Variants in CPAMD8 observed in about 807,000 individuals in gnomAD.
CPAMD8 encodes the protein C3 and PZP-like alpha-2-macroglobulin domain-containing protein 8.
In CPAMD8, 146 loss-of-function variants were observed where a neutral mutation model predicts 224.7. The ratio of observed to expected loss-of-function variants is 0.65; its 90% CI spans 0.57 to 0.75. The LOEUF (loss-of-function observed/expected upper bound fraction) is 0.75, where lower values mean the gene tolerates loss of function less well. Ranked by LOEUF, CPAMD8 falls within the 30% of genes least tolerant of loss-of-function variation. The pLI, the probability that CPAMD8 is intolerant of heterozygous loss-of-function variation, is 0.00. For synonymous variants in CPAMD8, 966 were observed against 1,044.6 expected, an observed-to-expected ratio of 0.92 and a Z score of 1.45; for missense variants, 2,301 against 2,537.5, an observed-to-expected ratio of 0.91 and a Z score of 2.00.
intron 20 of CPAMD8, among the ~76,000 whole-genome samples, chr19:16,948,466 G>C (rs1359249453): frequency 2.0e-5 from 3 of 152,098 alleles, no homozygotes; most frequent in African/African-American, 7.2e-5. Flanking sequence ...AAAGAAAGAG[G>C]CTGGGTGCGG....
chr19:16,976,767 C>T (rs181013256), intron 15 of CPAMD8, among the ~76,000 whole-genome samples: 38 of 151,768 alleles, frequency 2.5e-4, no homozygotes, highest in Admixed American at 1.8e-3. Context: ...AGGAGCCAGG[C>T]GCAGTGGCTC....
At chr19:17,000,549 A>C in intron 9 of CPAMD8, 27 bp from the exon 10 acceptor site, 1 of 1,004,800 alleles carries the variant, frequency 1.0e-6, no homozygotes, top group East Asian at 2.4e-5. Context: ...AAGCATGCTC[A>C]ATTTCACAGC....
In CPAMD8 at chr19:17,008,636, C is replaced by A. The variant is rs1296430816; in HGVS notation, c.505-77G>T. 5 of 1,475,326 alleles carry A rather than the reference C, an allele frequency of 3.4e-6. No homozygotes were observed. In the African/African-American group the frequency reaches 7.0e-5, roughly 21 times the overall value. The allele number at this position is 1,475,326 out of a possible 1,614,324, so 91.4% of individuals were successfully genotyped here. ...GCATGTGCCCAATGTAAGGATTTTCCCAGTCCTCTCTCTTGGGCATGTCAA... is the reference window on the plus strand; with the variant it reads ...GCATGTGCCCAATGTAAGGATTTTCACAGTCCTCTCTCTTGGGCATGTCAA... On this transcript the variant is annotated intron_variant, in intron 6 of 41. Coordinates refer to ENST00000443236, the MANE Select transcript of CPAMD8 (RefSeq NM_015692.5).
chr19:16,903,052 T>C (rs1246571523), intron 34 of CPAMD8, among the ~76,000 whole-genome samples, 189 bp from the exon 35 acceptor site: 5 of 152,162 alleles, frequency 3.3e-5, no homozygotes, highest in Admixed American at 2.6e-4. Context: ...GTAGGTACAA[T>C]CATCAGACCA....
At chr19:17,008,239 C>G (rs1019642902) in intron 7 of CPAMD8, among the ~76,000 whole-genome samples, 1 of 152,156 alleles carries the variant, frequency 6.6e-6, no homozygotes, top group African/African-American at 2.4e-5. Context: ...GAGCAGGAGC[C>G]CCGCCTGAGT....
chr19:16,965,334 A>C (rs1232868860), intron 18 of CPAMD8, among the ~76,000 whole-genome samples: 1 of 152,116 alleles, frequency 6.6e-6, no homozygotes, highest in Non-Finnish European at 1.5e-5. Flanking sequence ...TATTGATGGA[A>C]TATATCTCAA....
chr19:17,018,269 T>C (rs2056863658), intron 3 of CPAMD8, among the ~76,000 whole-genome samples: 1 of 152,170 alleles, frequency 6.6e-6, no homozygotes, highest in African/African-American at 2.4e-5. Context: ...TTACATAATA[T>C]CTGAAATCCA....
At chr19:16,909,314 G>A (rs1406251434) in intron 29 of CPAMD8, among the ~76,000 whole-genome samples, 2 of 152,164 alleles carry the variant, frequency 1.3e-5, no homozygotes, top group Non-Finnish European at 2.9e-5. Context: ...TGAGGCCGAG[G>A]CAGGTGGATC....
In CPAMD8 at chr19:16,945,578, C is replaced by T; in HGVS notation, c.2764G>A (p.Asp922Asn). The stretch of plus-strand genomic sequence containing the variant: ...ACCATCACACTGCGCCTGACGTGAT[C>T]CACCCCGATGGGGACCCTCCTGTCG... ...HADRRVPIGV[D>N]HVRRSVMVEA... is the part of the protein sequence containing the mutation. The change falls in exon 22 of 42, where the codon GAT becomes AAT. Residue 922 changes from aspartate to asparagine, a missense_variant. Asp to Asn is a conservative substitution (Grantham distance 23, BLOSUM62 1). Coordinates refer to ENST00000443236, the MANE Select transcript of CPAMD8 (RefSeq NM_015692.5). The T allele has an allele frequency of 6.2e-7, 1 of 1,614,170 alleles. No individual in the cohort carries two copies.
intron 14 of CPAMD8, among the ~76,000 whole-genome samples, chr19:16,980,083 GAGA>G (rs1390488506): frequency 6.6e-6 from 1 of 152,122 alleles, no homozygotes; most frequent in African/African-American, 2.4e-5. Context: ...ACCCTGTATT[GAGA>G]AGAAGAGCTT....
chr19:17,011,572 C>A lies in CPAMD8; in HGVS notation c.433+20G>T. 3 of 1,614,210 alleles carry A rather than the reference C, an allele frequency of 1.9e-6. No individual in the cohort carries two copies. Among genetic ancestry groups the A allele is most frequent in the Non-Finnish European group, 2.5e-6 (3 of 1,180,040 alleles). On this transcript the variant is annotated intron_variant, in intron 4 of 41. Transcript: ENST00000443236. Reference sequence around the variant, plus strand: ...TCCAGACCATGGCCGGCCCTCCCTGCATCCATGCTGGCCACTCACCTCGGT... The same window carrying A: ...TCCAGACCATGGCCGGCCCTCCCTGAATCCATGCTGGCCACTCACCTCGGT...
chr19:16,928,156 T>A lies in CPAMD8; in HGVS notation c.3223A>T (p.Ile1075Phe). ...GAGCCCCAGCCGGTGGAAAAGCCAA[T>A]GAACTGGACCTCTGGTGGCCTCGGG... ...TLPRPPEVQF[I>F]GFSTGWGSMG... The change falls in exon 25 of 42, where the codon ATT becomes TTT. Residue 1075 changes from isoleucine (I) to phenylalanine (F), a missense_variant. Ile to Phe is a conservative substitution (Grantham distance 21). Transcript: ENST00000443236. The A allele has an allele frequency of 1.2e-6, 2 of 1,614,170 alleles. No homozygotes were observed. Among genetic ancestry groups the A allele is most frequent in the Non-Finnish European group, 8.5e-7 (1 of 1,180,036 alleles).
chr19:16,971,762 C>A (rs1041776685), intron 17 of CPAMD8, among the ~76,000 whole-genome samples: 1 of 152,084 alleles, frequency 6.6e-6, no homozygotes, highest in Admixed American at 6.6e-5. Flanking sequence ...TTAGAAAAAT[C>A]ATGGCCAGGC....
At chr19:16,929,281 G>A in intron 23 of CPAMD8, 41 bp from the exon 24 acceptor site, 1 of 1,518,184 alleles carries the variant, frequency 6.6e-7, no homozygotes, top group Non-Finnish European at 9.0e-7. Flanking sequence ...GAGGGCACCT[G>A]GAGGCATCCC....
chr19:16,904,187 C>A, intron 32 of CPAMD8, 39 bp downstream of exon 32: 1 of 1,399,748 alleles, frequency 7.1e-7, no homozygotes, highest in African/African-American at 1.4e-5. Flanking sequence ...CCCCACCCAC[C>A]CAGCCCTGAG....
intron 1 of CPAMD8, among the ~76,000 whole-genome samples, chr19:17,022,997 A>G (rs1278773904): frequency 6.6e-6 from 1 of 152,196 alleles, no homozygotes; most frequent in Non-Finnish European, 1.5e-5. Context: ...CGCAACAGTG[A>G]CAGACCAGGA....
intron 1 of CPAMD8, among the ~76,000 whole-genome samples, chr19:17,023,250 T>G (rs969598875): frequency 2.0e-4 from 31 of 152,050 alleles, no homozygotes; most frequent in African/African-American, 6.5e-4. Flanking sequence ...TTCAGAAGAA[T>G]AGGAACATGC....
chr19:16,942,895 G>T (rs115794115), intron 22 of CPAMD8, among the ~76,000 whole-genome samples: 105 of 152,272 alleles, frequency 6.9e-4, no homozygotes, highest in African/African-American at 2.5e-3. Context: ...TTGTAGTACA[G>T]ATCTGTGCTT....
In CPAMD8 at chr19:16,896,489, G is replaced by A; in HGVS notation, c.5242C>T (p.Leu1748=). The change falls in exon 40 of 42, where the codon CTG becomes TTG. Residue 1748 remains leucine (L), a synonymous_variant. Coordinates refer to ENST00000443236, the MANE Select transcript of CPAMD8 (RefSeq NM_015692.5). ...CAGCAGCTGGGAGGCGCGGGCTCCA[G>A]GGGCGCGGCCTGGCGGCAGGCGGCC... ...REAACRQAAP[L]EPAPPSCCAL... 7.0e-7 allele frequency: 1 copy of A among 1,434,960 alleles called. No homozygotes were observed. Among genetic ancestry groups the A allele is most frequent in the Non-Finnish European group, 9.0e-7 (1 of 1,105,034 alleles). The allele number at this position is 1,434,960 out of a possible 1,614,324, so 88.9% of individuals were successfully genotyped here.
Sources: gnomAD v4.1 joint callset for allele counts (sites outside exome capture counted in the v4.1 genomes callset) on GRCh38, gnomAD v4.1.1 for gene constraint, MANE v1.5 for transcripts, NCBI Gene and HGNC (gene_info 2026-07-23, HGNC 2026-07-21) for gene names.